Variants in SDE2 observed in about 807,000 individuals in gnomAD.
The protein encoded by SDE2 is spliceosome associated SDE2, also known as splicing regulator SDE2.
A neutral mutation model predicts 46.9 loss-of-function variants in SDE2; 31 were observed. That is an observed-to-expected ratio of 0.66 (90% CI 0.50 to 0.89). The LOEUF is 0.89. Ranked by LOEUF, SDE2 falls within the 40% of genes least tolerant of loss-of-function variation. The pLI, the probability that SDE2 is intolerant of heterozygous loss-of-function variation, is 0.00. For synonymous variants in SDE2, 205 were observed against 204.3 expected, an observed-to-expected ratio of 1.00 and a Z score of -0.03; for missense variants, 542 against 564.4, an observed-to-expected ratio of 0.96 and a Z score of 0.40.
chr1:225,988,767 A>G (rs1324604005), intron 5 of SDE2, among the ~76,000 whole-genome samples: 1 of 152,166 alleles, frequency 6.6e-6, no homozygotes, highest in African/African-American at 2.4e-5. Flanking sequence ...TAGTTTGTTC[A>G]GGAAACAGAA....
At chr1:225,986,171 A>G (rs1469662153) in intron 6 of SDE2, among the ~76,000 whole-genome samples, 1 of 152,080 alleles carries the variant, frequency 6.6e-6, no homozygotes, top group Non-Finnish European at 1.5e-5. Context: ...TCTACTAAAA[A>G]TACAAAAATT....
Position 225,992,571 on chromosome 1 carries a change from G to T in SDE2, c.351-4C>A, listed in dbSNP as rs1401499133. The T allele has an allele frequency of 6.3e-7, 1 of 1,593,726 alleles. No individual in the cohort carries two copies. The highest frequency in any genetic ancestry group is 8.6e-7 in the Non-Finnish European group (1 of 1,168,082). ...TTGTTTTACCCATTCAGCCATTCTGGGGATGAGGGAGGAAGAGATATAACT... is the reference window on the plus strand; with the variant it reads ...TTGTTTTACCCATTCAGCCATTCTGTGGATGAGGGAGGAAGAGATATAACT... On this transcript the variant is annotated splice_region_variant and splice_polypyrimidine_tract_variant and intron_variant, in intron 3 of 6. Transcript: ENST00000272091.
chr1:225,993,111 CTTT>C (rs746252115), intron 2 of SDE2, 109 bp from the exon 3 acceptor site: 2 of 311,598 alleles, frequency 6.4e-6, no homozygotes, highest in Non-Finnish European at 1.1e-5. Flanking sequence ...TCTCTACTTT[CTTT>C]CTTTTTTTTT....
At position 225,992,537 on chromosome 1, in the gene SDE2, C is replaced by T. The variant is rs1216311230; in HGVS notation, c.381G>A (p.Glu127=). 5.0e-6 allele frequency: 8 copies of T among 1,610,584 alleles called. No individual in the cohort carries two copies. The highest frequency in any genetic ancestry group is 6.8e-6 in the Non-Finnish European group (8 of 1,179,792). The change falls in exon 4 of 7, where the codon GAG becomes GAA. Residue 127 remains glutamate (E), a synonymous_variant. Coordinates refer to ENST00000272091, the MANE Select transcript of SDE2 (RefSeq NM_152608.4). ...AMAEWVKQQA[E]REAEKEQKRL... ...GCTTCTGCTCCTTTTCAGCCTCTCG[C>T]TCGGCTTGTTGTTTTACCCATTCAG...
chr1:225,985,278 A>G lies in SDE2; in HGVS notation c.*24T>C. On this transcript the variant is annotated 3_prime_UTR_variant, in exon 7 of 7. Transcript: ENST00000272091. Reference sequence around the variant, plus strand: ...TTGTAAATGGTAGACACTATAAACAAATAGGAATCAGCTCTGATGATACTC... The same window carrying G: ...TTGTAAATGGTAGACACTATAAACAGATAGGAATCAGCTCTGATGATACTC... 2 of 1,564,784 alleles carry G rather than the reference A, an allele frequency of 1.3e-6. No individual in the cohort carries two copies. The highest frequency in any genetic ancestry group is 2.2e-5 in the South Asian group (2 of 90,110).
At chr1:225,993,950 T>C (rs1196645054) in intron 2 of SDE2, among the ~76,000 whole-genome samples, 1 of 147,830 alleles carries the variant, frequency 6.8e-6, no homozygotes, top group Admixed American at 6.8e-5. Context: ...TTTTTTTTTG[T>C]AGAGACCAAG....
rs1442249582 is a variant in SDE2, at chr1:225,983,409, T to G, written c.*1893A>C. 1.3e-5 allele frequency: 2 copies of G among 152,160 alleles called. No individual in the cohort carries two copies. Among genetic ancestry groups the G allele is most frequent in the African/African-American group, 4.8e-5 (2 of 41,442 alleles). The allele number at this position is 152,160 out of a possible 1,614,324, so 9.4% of individuals were successfully genotyped here. On this transcript the variant is annotated 3_prime_UTR_variant, in exon 7 of 7. Transcript: ENST00000272091. ...AAATAGACAATTCCACAATCATAAT[T>G]GAAGATTTTAACATCCTTTCTCAGC...
intron 6 of SDE2, among the ~76,000 whole-genome samples, chr1:225,986,211 C>T (rs1329808717): frequency 6.6e-6 from 1 of 151,732 alleles, no homozygotes; most frequent in Non-Finnish European, 1.5e-5. Flanking sequence ...TGCCTGTAGT[C>T]TCAGCGTGCC....
chr1:225,988,082 T>C lies in SDE2; in HGVS notation c.948A>G (p.Thr316=), dbSNP rs1051113051. The change falls in exon 6 of 7, where the codon ACA becomes ACG. Residue 316 remains threonine (T), a synonymous_variant. Transcript: ENST00000272091. The part of the protein sequence containing the change: ...EHMESRMVTE[T]EETQEKKAES... ...CTGCCTTCTTCTCCTGGGTCTCTTCTGTTTCTGTAACCATCCTGCTTTCCA... is the reference window on the plus strand; with the variant it reads ...CTGCCTTCTTCTCCTGGGTCTCTTCCGTTTCTGTAACCATCCTGCTTTCCA... 1.2e-6 allele frequency: 2 copies of C among 1,614,210 alleles called. No individual in the cohort carries two copies. Among genetic ancestry groups the C allele is most frequent in the Non-Finnish European group, 1.7e-6 (2 of 1,180,024 alleles).
At chr1:225,998,109 C>T (rs558559808) in intron 1 of SDE2, among the ~76,000 whole-genome samples, 1 of 150,934 alleles carries the variant, frequency 6.6e-6, no homozygotes, top group Admixed American at 6.6e-5. Flanking sequence ...GCCCGGGCAA[C>T]GGGAGTCAAA....
chr1:225,991,151 T>C, intron 5 of SDE2, 92 bp downstream of exon 5: 1 of 1,331,326 alleles, frequency 7.5e-7, no homozygotes. Context: ...CACCAAACAC[T>C]ACACAAAAAT....
chr1:225,985,794 C>T (rs1238064646), intron 6 of SDE2, among the ~76,000 whole-genome samples: 2 of 152,104 alleles, frequency 1.3e-5, no homozygotes, highest in Non-Finnish European at 2.9e-5. Context: ...CTTTCTTTTC[C>T]GATTTTTCTA....
chr1:225,992,275 G>A (rs1434184735), intron 4 of SDE2, 123 bp downstream of exon 4: 1 of 621,174 alleles, frequency 1.6e-6, no homozygotes, highest in African/African-American at 1.9e-5. Flanking sequence ...GTTTTCATCA[G>A]ATTCTCAGAC....
intron 4 of SDE2, among the ~76,000 whole-genome samples, chr1:225,992,073 G>A (rs1248016386): frequency 1.3e-5 from 2 of 152,104 alleles, no homozygotes; most frequent in Non-Finnish European, 2.9e-5. Flanking sequence ...CAGCTACTCT[G>A]GAGGCTAAGG....
chr1:225,983,697 C>T lies in SDE2; in HGVS notation c.*1605G>A, dbSNP rs1656208364. 1.3e-5 allele frequency: 2 copies of T among 152,134 alleles called. No homozygotes were observed. Among genetic ancestry groups the T allele is most frequent in the South Asian group, 4.2e-4 (2 of 4,816 alleles). The allele number at this position is 152,134 out of a possible 1,614,324, so 9.4% of individuals were successfully genotyped here. A position where few individuals can be genotyped will look rare whatever the true frequency, so the allele number is the denominator to read the frequency against. On this transcript the variant is annotated 3_prime_UTR_variant, in exon 7 of 7. Transcript: ENST00000272091. ...TGGATTACAGGCATGAGCCACCACACCTGGCCTAAAATACGCATTCTTTTA... is the reference window on the plus strand; with the variant it reads ...TGGATTACAGGCATGAGCCACCACATCTGGCCTAAAATACGCATTCTTTTA...
At position 225,993,120 on chromosome 1, in the gene SDE2, T is replaced by C; in HGVS notation, c.239-118A>G. ...CAATGATCTCTACTTTCTTTCTTTTTTTTTTTTTTTAAGAAAAGATGAACA... is the reference window on the plus strand; with the variant it reads ...CAATGATCTCTACTTTCTTTCTTTTCTTTTTTTTTTAAGAAAAGATGAACA... On this transcript the variant is annotated intron_variant, in intron 2 of 6. Coordinates refer to ENST00000272091, the MANE Select transcript of SDE2 (RefSeq NM_152608.4). The C allele has an allele frequency of 5.7e-6, 3 of 522,796 alleles. No homozygotes were observed. In the African/African-American group the frequency reaches 5.9e-5, roughly 10 times the overall value. 32.4% of individuals were successfully genotyped at this position (522,796 alleles called of 1,614,324 possible). A position where few individuals can be genotyped will look rare whatever the true frequency, so the allele number is the denominator to read the frequency against.
At chr1:225,986,915 A>C (rs1249811458) in intron 6 of SDE2, among the ~76,000 whole-genome samples, 1 of 152,236 alleles carries the variant, frequency 6.6e-6, no homozygotes, top group Non-Finnish European at 1.5e-5. Context: ...AAGGAAATTA[A>C]GTAGTTTAGG....
intron 1 of SDE2, among the ~76,000 whole-genome samples, chr1:225,996,674 C>G (rs369520728): frequency 3.3e-5 from 5 of 152,144 alleles, no homozygotes; most frequent in Non-Finnish European, 5.9e-5. Context: ...TTCACTGCAA[C>G]GAGGGGAACT....
rs150695618 is a variant in SDE2, at chr1:225,988,825, G to T, written c.642-437C>A. Among the ~76,000 whole-genome samples, 41 of 152,290 alleles carry T rather than the reference G, an allele frequency of 2.7e-4. 1 individual carries two copies. In the East Asian group the frequency reaches 7.7e-3, roughly 29 times the overall value. ...GGAGAACAGGCAAATTTCGGAAAAAGATATTCTAGAGCTTATAAACAGAAG... is the reference window on the plus strand; with the variant it reads ...GGAGAACAGGCAAATTTCGGAAAAATATATTCTAGAGCTTATAAACAGAAG... On this transcript the variant is annotated intron_variant, in intron 5 of 6. Coordinates refer to ENST00000272091, the MANE Select transcript of SDE2 (RefSeq NM_152608.4).
Sources: allele counts gnomAD v4.1 joint callset (sites outside exome capture counted in the v4.1 genomes callset), GRCh38; gene constraint gnomAD v4.1.1; transcripts MANE v1.5; gene names NCBI Gene and HGNC (gene_info 2026-07-23, HGNC 2026-07-21).